The following TSPEAR variants were observed in gnomAD, a reference collection of about 807,000 sequenced individuals.
TSPEAR encodes thrombospondin type laminin G domain and EAR repeats.
TSPEAR carries 69 observed loss-of-function variants against 71.6 expected under a neutral mutation model. The observed-to-expected ratio is 0.96, with a 90% CI of 0.79 to 1.18. The LOEUF (loss-of-function observed/expected upper bound fraction) is 1.18. Among genes scored for constraint, TSPEAR ranks in the 50% most tolerant of loss-of-function variants. TSPEAR has a pLI of 0.00. For synonymous variants in TSPEAR, 402 were observed against 387.2 expected, an observed-to-expected ratio of 1.04 and a Z score of -0.45; for missense variants, 971 against 894.9, an observed-to-expected ratio of 1.09 and a Z score of -1.09.
intron 9 of TSPEAR, chr21:44,518,203 G>A (rs1415515651): frequency 2.4e-6 from 1 of 408,168 alleles, no homozygotes; most frequent in Non-Finnish European, 5.0e-6. Flanking sequence ...ATTCCTTTCT[G>A]TTTCTAGAGC....
intron 1 of TSPEAR, among the ~76,000 whole-genome samples, chr21:44,696,793 C>T (rs1283595645): frequency 1.3e-5 from 2 of 152,204 alleles, no homozygotes; most frequent in Non-Finnish European, 2.9e-5. Flanking sequence ...AGCCCATTGG[C>T]CGGCTCCCTC....
intron 1 of TSPEAR, chr21:44,697,180 C>T (rs368794846): frequency 1.2e-6 from 2 of 1,608,554 alleles, no homozygotes; most frequent in Non-Finnish European, 1.7e-6. Flanking sequence ...CCAGCTCAAC[C>T]CCCAGCACGG....
intron 1 of TSPEAR, among the ~76,000 whole-genome samples, chr21:44,599,132 T>A (rs1264325090): frequency 1.3e-4 from 1 of 7,582 alleles, no homozygotes; most frequent in African/African-American, 2.3e-4. Flanking sequence ...GAGGCCCCCA[T>A]TTTCTCTCTC....
intron 2 of TSPEAR, chr21:44,539,107 T>C: frequency 1.0e-6 from 1 of 994,474 alleles, no homozygotes; most frequent in South Asian, 1.7e-5. Flanking sequence ...GGTGGGCACC[T>C]GCTGGAAGGC....
intron 1 of TSPEAR, among the ~76,000 whole-genome samples, chr21:44,634,982 A>G (rs1983457337): frequency 6.6e-6 from 1 of 152,192 alleles, no homozygotes; most frequent in African/African-American, 2.4e-5. Flanking sequence ...CATACAACTC[A>G]TCAGTTCCCA....
At chr21:44,678,772 G>A (rs1324979768) in intron 1 of TSPEAR, among the ~76,000 whole-genome samples, 1 of 152,150 alleles carries the variant, frequency 6.6e-6, no homozygotes, top group Non-Finnish European at 1.5e-5. Flanking sequence ...AACAAATTTA[G>A]TAAAGTTGCA....
At chr21:44,516,522 T>C (rs1555913457) in intron 9 of TSPEAR, 1 of 152,236 alleles carries the variant, frequency 6.6e-6, no homozygotes, top group Admixed American at 6.5e-5. Flanking sequence ...CCAAGCAGCC[T>C]GGGTTGTACC....
intron 1 of TSPEAR, among the ~76,000 whole-genome samples, chr21:44,638,833 C>T (rs1463685626): frequency 6.6e-6 from 1 of 152,064 alleles, no homozygotes; most frequent in Non-Finnish European, 1.5e-5. Context: ...CCATGGCTGC[C>T]CCCCAGGCCT....
intron 8 of TSPEAR, among the ~76,000 whole-genome samples, chr21:44,524,567 G>A (rs1047866464): frequency 2.2e-4 from 33 of 151,384 alleles, no homozygotes; most frequent in African/African-American, 7.3e-4. Context: ...ATGTAGTCAG[G>A]TAGTCAGTCA....
At chr21:44,629,146 G>A (rs1983099555) in intron 1 of TSPEAR, among the ~76,000 whole-genome samples, 1 of 152,152 alleles carries the variant, frequency 6.6e-6, no homozygotes, top group Non-Finnish European at 1.5e-5. Context: ...GGTGACCCGG[G>A]GCTGCGATGC....
intron 9 of TSPEAR, chr21:44,518,586 C>T: frequency 2.2e-6 from 1 of 462,902 alleles, no homozygotes; most frequent in African/African-American, 2.0e-5. Context: ...GGAGACCTTG[C>T]CTAGTTGACG....
At chr21:44,592,604 A>C in intron 1 of TSPEAR, 1 of 1,453,918 alleles carries the variant, frequency 6.9e-7, no homozygotes, top group South Asian at 1.4e-5. Context: ...CGTGTTGCCG[A>C]GAGCTGGAGT....
chr21:44,552,462 CG>C (rs1194598687), intron 2 of TSPEAR, among the ~76,000 whole-genome samples: 2 of 152,138 alleles, frequency 1.3e-5, no homozygotes, highest in Non-Finnish European at 2.9e-5. Context: ...CAGCCTGGGA[CG>C]GGCTTTCATG....
chr21:44,533,347 T>C (rs1325185770), intron 3 of TSPEAR, among the ~76,000 whole-genome samples: 1 of 152,096 alleles, frequency 6.6e-6, no homozygotes, highest in Non-Finnish European at 1.5e-5. Context: ...TGACCTGACC[T>C]CCCATGGTCA....
intron 11 of TSPEAR, among the ~76,000 whole-genome samples, chr21:44,501,475 T>C (rs2052028498): frequency 6.6e-6 from 1 of 152,148 alleles, no homozygotes; most frequent in African/African-American, 2.4e-5. Flanking sequence ...CAGGTGCCTG[T>C]AGTCCCAGCT....
chr21:44,578,898 T>C (rs587613599), intron 1 of TSPEAR, among the ~76,000 whole-genome samples: 1 of 152,230 alleles, frequency 6.6e-6, no homozygotes, highest in East Asian at 1.9e-4. Context: ...TGAAAGCCCA[T>C]GCGGAACCTG....
chr21:44,682,064 G>C, intron 1 of TSPEAR: 1 of 1,614,054 alleles, frequency 6.2e-7, no homozygotes, highest in Non-Finnish European at 8.5e-7. Flanking sequence ...AGGATGCCTG[G>C]CAGGGGCTGG....
intron 2 of TSPEAR, chr21:44,539,458 G>A (rs782421332): frequency 3.9e-5 from 63 of 1,595,178 alleles, no homozygotes; most frequent in Admixed American, 1.7e-4. Context: ...GGAGGGACAC[G>A]GAGGAGGAGG....
chr21:44,583,694 A>T (rs1555925412), intron 1 of TSPEAR, among the ~76,000 whole-genome samples: 1 of 152,240 alleles, frequency 6.6e-6, no homozygotes, highest in African/African-American at 2.4e-5. Context: ...GATATACATT[A>T]CTTGATAATG....
Sources: allele counts gnomAD v4.1 joint callset (sites outside exome capture counted in the v4.1 genomes callset), GRCh38; gene constraint gnomAD v4.1.1; transcripts MANE v1.5; gene names NCBI Gene and HGNC (gene_info 2026-07-23, HGNC 2026-07-21).